The following TMEM98 variants were observed in gnomAD, a reference collection of about 807,000 sequenced individuals.
The protein encoded by TMEM98 is transmembrane protein 98.
A neutral mutation model predicts 25.0 loss-of-function variants in TMEM98; 18 were observed. The ratio of observed to expected loss-of-function variants is 0.72; its 90% CI spans 0.50 to 1.07. The LOEUF (loss-of-function observed/expected upper bound fraction) is 1.07, where lower values mean the gene tolerates loss of function less well. TMEM98 is among the 50% of genes least tolerant of loss of function. The probability of loss-of-function intolerance (pLI) is 0.00; values close to 1 mark genes in which losing one functional copy is unlikely to be tolerated. For missense variants in TMEM98, 241 were observed against 289.0 expected, an observed-to-expected ratio of 0.83 and a Z score of 1.20; for synonymous variants, 103 against 112.4, an observed-to-expected ratio of 0.92 and a Z score of 0.53.
intron 5 of TMEM98, among the ~76,000 whole-genome samples, chr17:32,935,899 ATG>A (rs2091493456): frequency 6.6e-6 from 1 of 152,210 alleles, no homozygotes; most frequent in South Asian, 2.1e-4. Context: ...TTATTGGAGC[ATG>A]TGCTTAAAGG....
At chr17:32,933,495 C>T (rs533445123) in intron 4 of TMEM98, among the ~76,000 whole-genome samples, 190 bp downstream of exon 4, 7 of 152,342 alleles carry the variant, frequency 4.6e-5, no homozygotes, top group South Asian at 4.1e-4. Context: ...TCTCTCCCCA[C>T]ATTTTGTAGA....
In TMEM98 at chr17:32,931,533, A is replaced by T. The variant is rs2091469178; in HGVS notation, c.5A>T (p.Glu2Val). M[E>V]TVVIVAIGVL... ...AGTCAGGAGCCCTCTGGAAGCATGG[A>T]GACTGTGGTGATTGTTGCCATAGGT... The change falls in exon 3 of 8, where the codon GAG becomes GTG. Residue 2 changes from glutamate (E) to valine (V), a missense_variant. Coordinates refer to ENST00000579849, the MANE Select transcript of TMEM98 (RefSeq NM_015544.3). 1 of 1,605,158 alleles carries T rather than the reference A, an allele frequency of 6.2e-7. No individual in the cohort carries two copies. The highest frequency in any genetic ancestry group is 1.1e-5 in the South Asian group (1 of 89,090).
rs1170641015 is a variant in TMEM98, at chr17:32,928,170, C to A, written c.-198C>A. On this transcript the variant is annotated 5_prime_UTR_variant, in exon 1 of 8. Transcript: ENST00000579849. ...TTCCCGGCATGCTCCGCTGCAGGCC[C>A]GCGCCCGCGCCCGGACTTTGCCATC... 1 of 148,952 alleles carries A rather than the reference C, an allele frequency of 6.7e-6. No homozygotes were observed. The highest frequency in any genetic ancestry group is 6.7e-5 in the Admixed American group (1 of 15,034). 9.2% of individuals were successfully genotyped at this position (148,952 alleles called of 1,614,324 possible). A position where few individuals can be genotyped will look rare whatever the true frequency, so the allele number is the denominator to read the frequency against.
intron 6 of TMEM98, among the ~76,000 whole-genome samples, chr17:32,937,991 T>G (rs1319801973): frequency 6.6e-6 from 1 of 152,208 alleles, no homozygotes; most frequent in Non-Finnish European, 1.5e-5. Flanking sequence ...CCAGGCAGAT[T>G]CCTGTGATAC....
At position 32,928,310 on chromosome 17, in the gene TMEM98, C is replaced by T. The variant is rs2091443371; in HGVS notation, c.-131+73C>T. The T allele has an allele frequency of 2.0e-5, 3 of 150,494 alleles. No individual in the cohort carries two copies. The South Asian group carries it at 6.2e-4, about 31-fold the overall frequency. The allele number at this position is 150,494 out of a possible 1,614,324, so 9.3% of individuals were successfully genotyped here. ...GGGACGCGGGGGCGCGGGGCCTGGC[C>T]CGGCTGCCGGGGAGAGGGGAGGCGG... On this transcript the variant is annotated intron_variant, in intron 1 of 7. Coordinates refer to ENST00000579849, the MANE Select transcript of TMEM98 (RefSeq NM_015544.3).
In TMEM98 at chr17:32,941,000, C is replaced by T. The variant is rs1402639911; in HGVS notation, c.*7C>T. On this transcript the variant is annotated 3_prime_UTR_variant, in exon 8 of 8. Coordinates refer to ENST00000579849, the MANE Select transcript of TMEM98 (RefSeq NM_015544.3). ...GGAGCAGTCTGCAATTTAGTGCCTACAGGCCAGCAGCTAGCCATGAAGGCC... is the reference window on the plus strand; with the variant it reads ...GGAGCAGTCTGCAATTTAGTGCCTATAGGCCAGCAGCTAGCCATGAAGGCC... The T allele has an allele frequency of 2.5e-6, 4 of 1,589,948 alleles. No homozygotes were observed. The highest frequency in any genetic ancestry group is 3.4e-6 in the Non-Finnish European group (4 of 1,166,782).
At position 32,931,668 on chromosome 17, in the gene TMEM98, G is replaced by A. The variant is rs72817027; in HGVS notation, c.131+9G>A. ...CAGCGCTATGATTCTAAGTGAGTGAGCCTATGGAGGGCAAGGAGGAGGGGT... is the reference window on the plus strand; with the variant it reads ...CAGCGCTATGATTCTAAGTGAGTGAACCTATGGAGGGCAAGGAGGAGGGGT... On this transcript the variant is annotated intron_variant, in intron 3 of 7. Coordinates refer to ENST00000579849, the MANE Select transcript of TMEM98 (RefSeq NM_015544.3). 1 of 1,603,766 alleles carries A rather than the reference G, an allele frequency of 6.2e-7. No homozygotes were observed. The highest frequency in any genetic ancestry group is 8.5e-7 in the Non-Finnish European group (1 of 1,175,982).
At chr17:32,929,757 A>G (rs1053000308) in intron 1 of TMEM98, among the ~76,000 whole-genome samples, 2 of 152,100 alleles carry the variant, frequency 1.3e-5, no homozygotes, top group South Asian at 2.1e-4. Flanking sequence ...GCATGTCCCA[A>G]CCTTGTCTAC....
intron 4 of TMEM98, among the ~76,000 whole-genome samples, 189 bp downstream of exon 4, chr17:32,933,494 A>T (rs1211198833): frequency 1.3e-5 from 2 of 152,094 alleles, no homozygotes; most frequent in African/African-American, 4.8e-5. Context: ...TTCTCTCCCC[A>T]CATTTTGTAG....
chr17:32,936,331 G>C lies in TMEM98; in HGVS notation c.298-1G>C. 6.2e-7 allele frequency: 1 copy of C among 1,613,836 alleles called. No individual in the cohort carries two copies. Reference sequence around the variant, plus strand: ...CATCTCTCTCCTCCCTGCCGCATTAGATTTGTCACACTCTGACAGAGAAGC... The same window carrying C: ...CATCTCTCTCCTCCCTGCCGCATTACATTTGTCACACTCTGACAGAGAAGC... On this transcript the variant is annotated splice_acceptor_variant, in intron 5 of 7. Coordinates refer to ENST00000579849, the MANE Select transcript of TMEM98 (RefSeq NM_015544.3). LOFTEE classifies it high-confidence loss of function.
intron 7 of TMEM98, among the ~76,000 whole-genome samples, 156 bp downstream of exon 7, chr17:32,939,692 C>T (rs903273666): frequency 2.0e-5 from 3 of 152,156 alleles, no homozygotes; most frequent in Non-Finnish European, 2.9e-5. Flanking sequence ...CTTCAGTGAG[C>T]GGCGCCTGAC....
In TMEM98 at chr17:32,943,524, A is replaced by T. The variant is rs918055675; in HGVS notation, c.*2531A>T. On this transcript the variant is annotated 3_prime_UTR_variant, in exon 8 of 8. Coordinates refer to ENST00000579849, the MANE Select transcript of TMEM98 (RefSeq NM_015544.3). ...CATGTCTCTCTTCCCTCTGGCCTGG[A>T]ATAGGAGCATTAGACTCAAATTCTG... 6.6e-6 allele frequency: 1 copy of T among 152,134 alleles called. No homozygotes were observed. Among genetic ancestry groups the T allele is most frequent in the Non-Finnish European group, 1.5e-5 (1 of 68,036 alleles). 9.4% of individuals were successfully genotyped at this position (152,134 alleles called of 1,614,324 possible).
At chr17:32,939,672 G>A (rs527248268) in intron 7 of TMEM98, 136 bp downstream of exon 7, 11 of 1,032,898 alleles carry the variant, frequency 1.1e-5, no homozygotes, top group South Asian at 8.5e-5. Context: ...CGGGCCATGC[G>A]TGCCATTTAC....
intron 1 of TMEM98, among the ~76,000 whole-genome samples, chr17:32,929,574 A>G (rs1318984870): frequency 6.6e-6 from 1 of 152,178 alleles, no homozygotes; most frequent in Non-Finnish European, 1.5e-5. Context: ...ACGTAGAGAA[A>G]CAGAGGCGGA....
chr17:32,929,205 C>T (rs2091452005), intron 1 of TMEM98, among the ~76,000 whole-genome samples: 1 of 151,968 alleles, frequency 6.6e-6, no homozygotes, highest in Non-Finnish European at 1.5e-5. Context: ...AGCTCACACA[C>T]TCAGAAGCAC....
intron 1 of TMEM98, among the ~76,000 whole-genome samples, chr17:32,930,633 A>G (rs992359991): frequency 1.3e-5 from 2 of 152,192 alleles, no homozygotes; most frequent in Non-Finnish European, 2.9e-5. Flanking sequence ...TGTCCATCTC[A>G]GTGTAAGTGG....
At chr17:32,928,458 C>G (rs1465476445) in intron 1 of TMEM98, among the ~76,000 whole-genome samples, 3 of 151,422 alleles carry the variant, frequency 2.0e-5, no homozygotes, top group African/African-American at 4.8e-5. Context: ...GGGTCCCTCC[C>G]TCCCGGGGAC....
chr17:32,939,517 C>T lies in TMEM98; in HGVS notation c.454C>T (p.Pro152Ser). ...GAAGTCGATGTACCCTCCGTTGGAC[C>T]CCAAACTCCTGGACGCACGGTGAGA... ...VVKSMYPPLD[P>S]KLLDARTTAL... The change falls in exon 7 of 8, where the codon CCC becomes TCC. Residue 152 changes from proline to serine, a missense_variant. By Grantham distance (74) the Pro-to-Ser change is moderately conservative (BLOSUM62 -1). Coordinates refer to ENST00000579849, the MANE Select transcript of TMEM98 (RefSeq NM_015544.3). 6.2e-7 allele frequency: 1 copy of T among 1,614,030 alleles called. No homozygotes were observed. Among genetic ancestry groups the T allele is most frequent in the South Asian group, 1.1e-5 (1 of 91,066 alleles).
chr17:32,928,196 G>C lies in TMEM98; in HGVS notation c.-172G>C, dbSNP rs569778083. The C allele has an allele frequency of 1.9e-3, 280 of 148,414 alleles. 1 individual carries two copies. Among genetic ancestry groups the C allele is most frequent in the African/African-American group, 6.6e-3 (270 of 41,018 alleles). The allele number at this position is 148,414 out of a possible 1,614,324, so 9.2% of individuals were successfully genotyped here. A position where few individuals can be genotyped will look rare whatever the true frequency, so the allele number is the denominator to read the frequency against. ...GCGCCCGCGCCCGGACTTTGCCATC[G>C]GCGGGGCAGTCGCGGGATGCGCCCG... is the stretch of plus-strand genomic sequence containing the variant. On this transcript the variant is annotated 5_prime_UTR_variant, in exon 1 of 8. Coordinates refer to ENST00000579849, the MANE Select transcript of TMEM98 (RefSeq NM_015544.3).
Sources: gnomAD v4.1 joint callset for allele counts (sites outside exome capture counted in the v4.1 genomes callset) on GRCh38, gnomAD v4.1.1 for gene constraint, MANE v1.5 for transcripts, NCBI Gene and HGNC (gene_info 2026-07-23, HGNC 2026-07-21) for gene names.